The following SNAP29 variants were observed in gnomAD, a reference collection of about 807,000 sequenced individuals.
SNAP29 encodes synaptosomal-associated protein 29.
SNAP29 carries 13 observed loss-of-function variants against 27.9 expected under a neutral mutation model. The observed-to-expected ratio is 0.47, with a 90% CI of 0.30 to 0.74. SNAP29 has a LOEUF of 0.74. Among genes scored for constraint, SNAP29 ranks in the 30% least tolerant of loss-of-function variants. SNAP29 has a pLI of 0.06. For missense variants in SNAP29, 368 were observed against 336.5 expected, an observed-to-expected ratio of 1.09 and a Z score of -0.73; for synonymous variants, 119 against 127.1, an observed-to-expected ratio of 0.94 and a Z score of 0.43.
In SNAP29 at chr22:20,890,181, T is replaced by C. The variant is rs1397144775; in HGVS notation, c.*2345T>C. 2.5e-6 allele frequency: 1 copy of C among 397,942 alleles called. No homozygotes were observed. The highest frequency in any genetic ancestry group is 4.4e-6 in the Non-Finnish European group (1 of 225,836). The allele number at this position is 397,942 out of a possible 1,614,324, so 24.7% of individuals were successfully genotyped here. On this transcript the variant is annotated 3_prime_UTR_variant, in exon 5 of 5. Transcript: ENST00000215730. ...GGAAGGCCTGGTTGCTGATGCTACT[T>C]TATAAATGAGTTGCTTGCATTTTCA...
chr22:20,885,958 A>G (rs1007565811), intron 4 of SNAP29, among the ~76,000 whole-genome samples: 1 of 151,980 alleles, frequency 6.6e-6, no homozygotes, highest in African/African-American at 2.4e-5. Context: ...ATTATCACAC[A>G]TTTTATCTCA....
chr22:20,874,643 A>G (rs1030450864), intron 2 of SNAP29, among the ~76,000 whole-genome samples: 1 of 151,048 alleles, frequency 6.6e-6, no homozygotes, highest in Non-Finnish European at 1.5e-5. Context: ...TGCCGGCCTC[A>G]GTGAGTGCCC....
At chr22:20,860,910 A>G (rs165593) in intron 1 of SNAP29, among the ~76,000 whole-genome samples, 73,880 of 150,866 alleles carry the variant, frequency 0.49, 18,469 homozygotes, top group African/African-American at 0.6. Context: ...GGTGGCACAC[A>G]CATGTGAGTG....
chr22:20,859,315 G>A lies in SNAP29; in HGVS notation c.205G>A (p.Glu69Lys), dbSNP rs375291486. The A allele has an allele frequency of 6.2e-7, 1 of 1,613,380 alleles. No homozygotes were observed. The highest frequency in any genetic ancestry group is 8.5e-7 in the Non-Finnish European group (1 of 1,179,922). ...STSRSLALMY[E>K]SEKVGVASSE... is the part of the protein sequence containing the mutation. ...CAGCAGGTCCCTGGCCCTCATGTAC[G>A]AGTCCGAGAAGGTTGGGGTCGCCTC... Residue 69 changes from glutamate (E) to lysine (K), a missense_variant, in exon 1 of 5, where the codon GAG becomes AAG. By Grantham distance (56) the Glu-to-Lys change is moderately conservative (BLOSUM62 1). Transcript: ENST00000215730.
intron 1 of SNAP29, among the ~76,000 whole-genome samples, chr22:20,867,592 C>T: frequency 6.6e-6 from 1 of 152,192 alleles, no homozygotes; most frequent in East Asian, 1.9e-4. Context: ...GGCCTCATGA[C>T]CTCTGGTGAA....
chr22:20,863,991 T>C (rs577539866), intron 1 of SNAP29, among the ~76,000 whole-genome samples: 1 of 152,332 alleles, frequency 6.6e-6, no homozygotes, highest in African/African-American at 2.4e-5. Flanking sequence ...ATGACTTCTA[T>C]TTATGCAGCC....
At chr22:20,881,289 G>A (rs1928885414) in intron 3 of SNAP29, among the ~76,000 whole-genome samples, 155 bp downstream of exon 3, 1 of 152,212 alleles carries the variant, frequency 6.6e-6, no homozygotes, top group East Asian at 1.9e-4. Flanking sequence ...GGGCCTTAGG[G>A]ACCCCGCATG....
At chr22:20,874,408 G>A (rs1315925394) in intron 2 of SNAP29, among the ~76,000 whole-genome samples, 8 of 148,894 alleles carry the variant, frequency 5.4e-5, no homozygotes, top group African/African-American at 1.5e-4. Context: ...AAAATTAGCC[G>A]GACATGGTGG....
chr22:20,879,851 TAAAAAAAAAA>T (rs361542), intron 2 of SNAP29, among the ~76,000 whole-genome samples: 7 of 98,036 alleles, frequency 7.1e-5, no homozygotes, highest in Middle Eastern at 5.3e-3. Context: ...TGAAAAAATT[TAAAAAAAAAA>T]AAAAAAAAAA....
intron 1 of SNAP29, 96 bp from the exon 2 acceptor site, chr22:20,870,241 C>A: frequency 9.2e-7 from 1 of 1,081,576 alleles, no homozygotes; most frequent in Non-Finnish European, 1.4e-6. Flanking sequence ...GATGTGCCCA[C>A]TGAGAGTTTA....
intron 3 of SNAP29, among the ~76,000 whole-genome samples, chr22:20,883,102 T>C (rs1171196235): frequency 1.3e-5 from 2 of 152,018 alleles, no homozygotes; most frequent in Non-Finnish European, 2.9e-5. Context: ...AACGTAACAA[T>C]TTGTATTTTT....
chr22:20,859,480 A>G, intron 1 of SNAP29, 133 bp downstream of exon 1: 2 of 733,858 alleles, frequency 2.7e-6, no homozygotes, highest in Non-Finnish European at 4.9e-6. Flanking sequence ...TAGTGACTCG[A>G]TGGTGGTAAC....
chr22:20,880,995 CAT>C lies in SNAP29; in HGVS notation c.435-52_435-51del. Reference sequence around the variant, plus strand: ...TATGTGAAAAGACTGATAACATTGTCATAGGGGTTTTTCCTTTTTAAACGTTT... The same window carrying C: ...TATGTGAAAAGACTGATAACATTGTCAGGGGTTTTTCCTTTTTAAACGTTT... On this transcript the variant is annotated intron_variant, in intron 2 of 4. Transcript: ENST00000215730. 3 of 1,139,630 alleles carry C rather than the reference CAT, an allele frequency of 2.6e-6. No individual in the cohort carries two copies. In the South Asian group the frequency reaches 3.8e-5, roughly 14 times the overall value. The allele number at this position is 1,139,630 out of a possible 1,614,324, so 70.6% of individuals were successfully genotyped here. A position where few individuals can be genotyped will look rare whatever the true frequency, so the allele number is the denominator to read the frequency against.
At chr22:20,863,925 A>G (rs1321649823) in intron 1 of SNAP29, among the ~76,000 whole-genome samples, 1 of 151,990 alleles carries the variant, frequency 6.6e-6, no homozygotes, top group African/African-American at 2.4e-5. Context: ...TTTGTTCCAC[A>G]CTAGTATGTA....
chr22:20,884,394 C>T (rs1928965626), intron 4 of SNAP29, among the ~76,000 whole-genome samples: 1 of 152,048 alleles, frequency 6.6e-6, no homozygotes, highest in Non-Finnish European at 1.5e-5. Flanking sequence ...TGGAACCCCA[C>T]ACACTCACAG....
At chr22:20,887,183 G>C (rs1351456184) in intron 4 of SNAP29, among the ~76,000 whole-genome samples, 8 of 150,294 alleles carry the variant, frequency 5.3e-5, no homozygotes, top group Non-Finnish European at 8.9e-5. Context: ...CGAGATCATG[G>C]CACTGCACTC....
At chr22:20,881,174 G>C (rs546511260) in intron 3 of SNAP29, 40 bp downstream of exon 3, 6 of 1,384,834 alleles carry the variant, frequency 4.3e-6, no homozygotes, top group East Asian at 2.3e-5. Flanking sequence ...TTTGAATTCT[G>C]GGGGGAGACC....
rs1468884694 is a variant in SNAP29 at position 20,888,562 on chromosome 22, G to A, written c.*726G>A. 2 of 153,520 alleles carry A rather than the reference G, an allele frequency of 1.3e-5. No individual in the cohort carries two copies. The highest frequency in any genetic ancestry group is 4.8e-5 in the African/African-American group (2 of 41,434). 9.5% of individuals were successfully genotyped at this position (153,520 alleles called of 1,614,324 possible). On this transcript the variant is annotated 3_prime_UTR_variant, in exon 5 of 5. Coordinates refer to ENST00000215730, the MANE Select transcript of SNAP29 (RefSeq NM_004782.4). The stretch of plus-strand genomic sequence containing the variant: ...TGGAAATGTGTGGGGAATTGGGTGA[G>A]CCCCTCTTCCCCACGTGCTCCCATC...
chr22:20,867,378 T>C (rs1928485568), intron 1 of SNAP29, among the ~76,000 whole-genome samples: 1 of 151,994 alleles, frequency 6.6e-6, no homozygotes, highest in Non-Finnish European at 1.5e-5. Flanking sequence ...GGTTGAGGCC[T>C]GTCTTGGTGG....
Sources: gnomAD v4.1 joint callset for allele counts (sites outside exome capture counted in the v4.1 genomes callset) on GRCh38, gnomAD v4.1.1 for gene constraint, MANE v1.5 for transcripts, NCBI Gene and HGNC (gene_info 2026-07-23, HGNC 2026-07-21) for gene names.